The following DAB1 variants were observed in gnomAD, a reference collection of about 807,000 sequenced individuals.
DAB1 encodes disabled homolog 1.
Under a neutral mutation model 64.6 loss-of-function variants are expected in DAB1, and 15 were observed. The observed-to-expected ratio is 0.23, with a 90% CI of 0.16 to 0.36. DAB1 has a LOEUF of 0.36. DAB1 is among the 10% of genes least tolerant of loss of function. The pLI is 1.00. For synonymous variants in DAB1, 235 were observed against 251.9 expected, an observed-to-expected ratio of 0.93 and a Z score of 0.64; for missense variants, 596 against 706.7, an observed-to-expected ratio of 0.84 and a Z score of 1.78.
intron 4 of DAB1, among the ~76,000 whole-genome samples, chr1:58,306,859 G>A (rs1355393930): frequency 6.6e-6 from 1 of 152,182 alleles, no homozygotes; most frequent in Non-Finnish European, 1.5e-5. Context: ...CCCTTGTATT[G>A]TGTAAGACCA....
intron 5 of DAB1, among the ~76,000 whole-genome samples, chr1:58,097,556 A>C (rs1651062206): frequency 6.6e-6 from 1 of 152,064 alleles, no homozygotes; most frequent in Admixed American, 6.5e-5. Context: ...AAGAGTTGGC[A>C]TGGAACTCCA....
chr1:58,191,618 C>A (rs950541816), intron 4 of DAB1, among the ~76,000 whole-genome samples: 2 of 152,182 alleles, frequency 1.3e-5, no homozygotes, highest in African/African-American at 4.8e-5. Context: ...CAAAATGATG[C>A]TTTGCAATCG....
chr1:57,865,542 C>A (rs180757627), intron 1 of DAB1, among the ~76,000 whole-genome samples: 1 of 151,780 alleles, frequency 6.6e-6, no homozygotes, highest in East Asian at 1.9e-4. Flanking sequence ...CAAACATGGT[C>A]TCAAACAGGT....
intron 1 of DAB1, chr1:57,862,337 G>A (rs1198194381): frequency 6.6e-6 from 1 of 152,142 alleles, no homozygotes; most frequent in Non-Finnish European, 1.5e-5. Flanking sequence ...GTAAATTGAG[G>A]AAACAGTCAC....
intron 5 of DAB1, among the ~76,000 whole-genome samples, chr1:58,052,171 G>A (rs181389956): frequency 6.6e-6 from 1 of 152,278 alleles, no homozygotes; most frequent in African/African-American, 2.4e-5. Context: ...GGTTTTTATG[G>A]TTTTAGGTCT....
chr1:57,681,230 T>C (rs1312763222), intron 6 of DAB1, among the ~76,000 whole-genome samples: 1 of 152,246 alleles, frequency 6.6e-6, no homozygotes, highest in Non-Finnish European at 1.5e-5. Flanking sequence ...GCCTTCATCG[T>C]CACATGGTAT....
chr1:58,404,142 T>C (rs970531740), intron 3 of DAB1, among the ~76,000 whole-genome samples: 4 of 151,634 alleles, frequency 2.6e-5, no homozygotes, highest in African/African-American at 9.7e-5. Context: ...TCCAGGGGAG[T>C]GGTGAGACAT....
intron 2 of DAB1, among the ~76,000 whole-genome samples, chr1:57,282,218 G>A (rs948596472): frequency 6.9e-6 from 1 of 145,314 alleles, no homozygotes; most frequent in African/African-American, 2.5e-5. Context: ...AAAAACAGGT[G>A]ACTGAGTTTT....
At chr1:58,473,550 AAATAAAT>A (rs765040381) in intron 3 of DAB1, among the ~76,000 whole-genome samples, 14,064 of 108,170 alleles carry the variant, frequency 0.13, 879 homozygotes, top group Middle Eastern at 0.17. Flanking sequence ...TCAAAAAAAT[AAATAAAT>A]AAATAAATAA....
chr1:57,384,439 T>C (rs1471819452), intron 1 of DAB1, among the ~76,000 whole-genome samples: 1 of 152,206 alleles, frequency 6.6e-6, no homozygotes, highest in Non-Finnish European at 1.5e-5. Context: ...AGCAGTATCA[T>C]GAAGAAGTAC....
chr1:57,692,856 A>AC (rs1646779995), intron 6 of DAB1, among the ~76,000 whole-genome samples: 1 of 152,116 alleles, frequency 6.6e-6, no homozygotes, highest in South Asian at 2.1e-4. Flanking sequence ...CAGGGATAGT[A>AC]CGAGATGCTA....
At chr1:57,222,631 T>C (rs1666968349) in intron 2 of DAB1, among the ~76,000 whole-genome samples, 1 of 152,128 alleles carries the variant, frequency 6.6e-6, no homozygotes, top group African/African-American at 2.4e-5. Flanking sequence ...CTGGGCCTTG[T>C]TCACAATGCC....
chr1:58,483,772 CA>C (rs1645528584), intron 3 of DAB1, among the ~76,000 whole-genome samples: 1 of 152,214 alleles, frequency 6.6e-6, no homozygotes, highest in Non-Finnish European at 1.5e-5. Context: ...ACTGAGACAT[CA>C]GGCATGAGCC....
chr1:57,106,325 C>A (rs907711754), intron 4 of DAB1, among the ~76,000 whole-genome samples: 2 of 147,152 alleles, frequency 1.4e-5, no homozygotes, highest in African/African-American at 5.0e-5. Context: ...TTAATCTCAA[C>A]AAGACACAGG....
intron 7 of DAB1, among the ~76,000 whole-genome samples, chr1:57,496,637 A>G (rs1251153764): frequency 6.6e-6 from 1 of 152,224 alleles, no homozygotes; most frequent in Non-Finnish European, 1.5e-5. Flanking sequence ...ACAGTTGCAT[A>G]CTAGGACCTT....
At chr1:58,281,176 AGC>A (rs1406018512) in intron 4 of DAB1, among the ~76,000 whole-genome samples, 1 of 152,198 alleles carries the variant, frequency 6.6e-6, no homozygotes, top group African/African-American at 2.4e-5. Flanking sequence ...TTGGAGAGAG[AGC>A]AAAGGATAGA....
chr1:57,482,586 G>A (rs1644037555), intron 7 of DAB1, among the ~76,000 whole-genome samples: 1 of 150,966 alleles, frequency 6.6e-6, no homozygotes, highest in South Asian at 2.1e-4. Flanking sequence ...ATTAGGACAT[G>A]TCTCACTCAG....
At chr1:57,365,209 AAT>A (rs1426195579) in intron 1 of DAB1, among the ~76,000 whole-genome samples, 1 of 142,066 alleles carries the variant, frequency 7.0e-6, no homozygotes, top group African/African-American at 2.6e-5. Flanking sequence ...TAAATATATA[AAT>A]ATATATTTAT....
chr1:58,118,569 T>C lies in DAB1; in HGVS notation n.387+31942A>G, dbSNP rs577434908. On this transcript the variant is annotated intron_variant and non_coding_transcript_variant, in intron 5 of 20. Coordinates refer to the DAB1 transcript ENST00000485760. ...TATATACATATATATAAAATACATA[T>C]ATATATATACATATATATATAAAAT... Among the ~76,000 whole-genome samples the C allele has an allele frequency of 4.3e-5, 4 of 94,018 alleles. No homozygotes were observed. In the South Asian group the frequency reaches 1.2e-3, roughly 28 times the overall value. 61.7% of individuals were successfully genotyped at this position (94,018 alleles called of 152,430 possible).
Sources: gnomAD v4.1 joint callset for allele counts (sites outside exome capture counted in the v4.1 genomes callset) on GRCh38, gnomAD v4.1.1 for gene constraint, MANE v1.5 for transcripts, NCBI Gene and HGNC (gene_info 2026-07-23, HGNC 2026-07-21) for gene names.